The following BICC1 variants were observed in gnomAD, a reference collection of about 807,000 sequenced individuals.
BICC1 encodes protein bicaudal C homolog 1.
BICC1 carries 43 observed loss-of-function variants against 111.0 expected under a neutral mutation model. The ratio of observed to expected loss-of-function variants is 0.39; its 90% confidence interval spans 0.30 to 0.50. The LOEUF (loss-of-function observed/expected upper bound fraction) is 0.50, where lower values mean the gene tolerates loss of function less well. BICC1 is among the 20% of genes least tolerant of loss of function. The probability of loss-of-function intolerance (pLI) is 0.88; values close to 1 mark genes in which losing one functional copy is unlikely to be tolerated. For missense variants in BICC1, 1,091 were observed against 1,203.2 expected (o/e 0.91, Z 1.38); for synonymous variants, 467 against 434.4 (o/e 1.07, Z -0.93).
At chr10:58,671,444 A>G (rs1839181921) in intron 2 of BICC1, among the ~76,000 whole-genome samples, 1 of 152,102 alleles carries the variant, frequency 6.6e-6, no homozygotes, top group South Asian at 2.1e-4. Context: ...GGAGGGAGAC[A>G]CAAAAGACAT....
At chr10:58,788,098 A>T (rs1212316215) in intron 5 of BICC1, among the ~76,000 whole-genome samples, 1 of 152,180 alleles carries the variant, frequency 6.6e-6, no homozygotes, top group Non-Finnish European at 1.5e-5. Context: ...AGAGGGCAGG[A>T]TGATCTCCTG....
rs1843352982 is a variant in BICC1, at chr10:58,796,363, G to A, written c.1203G>A (p.Glu401=). The A allele has an allele frequency of 6.2e-7, 1 of 1,613,750 alleles. No homozygotes were observed. The highest frequency in any genetic ancestry group is 8.5e-7 in the Non-Finnish European group (1 of 1,179,866). The change falls in exon 10 of 21, where the codon GAG becomes GAA. Residue 401 remains glutamate, a synonymous_variant. Transcript: ENST00000373886. ...PSKSVIVKSV[E]RNALNMYEAR... ...AGTCTGTGATTGTGAAAAGTGTTGA[G>A]CGAAATGCCTTAAATATGTATGAAG...
At chr10:58,550,638 A>T (rs1017898554) in intron 1 of BICC1, among the ~76,000 whole-genome samples, 1 of 151,716 alleles carries the variant, frequency 6.6e-6, no homozygotes, top group Non-Finnish European at 1.5e-5. Context: ...GGTTCATTTA[A>T]TTTTTTTCTT....
At chr10:58,592,870 C>G (rs1250693495) in intron 1 of BICC1, among the ~76,000 whole-genome samples, 1 of 125,590 alleles carries the variant, frequency 8.0e-6, no homozygotes, top group African/African-American at 3.1e-5. Flanking sequence ...AGCAAGACTC[C>G]GTCTCAAAAA....
intron 1 of BICC1, among the ~76,000 whole-genome samples, chr10:58,600,502 A>G (rs1660348915): frequency 2.0e-5 from 3 of 152,196 alleles, no homozygotes; most frequent in Non-Finnish European, 4.4e-5. Context: ...TTGTACATTC[A>G]TTTTGACTTT....
intron 2 of BICC1, among the ~76,000 whole-genome samples, chr10:58,697,929 AC>A (rs1290177889): frequency 1.7e-5 from 2 of 116,576 alleles, no homozygotes; most frequent in Non-Finnish European, 3.6e-5. Context: ...CCCACCTCCC[AC>A]CCCCATGACA....
intron 1 of BICC1, among the ~76,000 whole-genome samples, chr10:58,531,650 CTACAAGAAAACATA>C (rs1248683089): frequency 1.2e-4 from 18 of 151,676 alleles, no homozygotes; most frequent in African/African-American, 4.3e-4. Context: ...AATTAGTGCA[CTACAAGAAAACATA>C]TACAATGAAA....
At chr10:58,808,592 A>G (rs1216800589) in intron 17 of BICC1, among the ~76,000 whole-genome samples, 1 of 152,168 alleles carries the variant, frequency 6.6e-6, no homozygotes, top group African/African-American at 2.4e-5. Context: ...CCAGATGTAT[A>G]GCTTTGGTGA....
At chr10:58,540,689 A>G (rs1842943007) in intron 1 of BICC1, among the ~76,000 whole-genome samples, 1 of 152,076 alleles carries the variant, frequency 6.6e-6, no homozygotes, top group Non-Finnish European at 1.5e-5. Context: ...TTAAATAAGA[A>G]TTAACACCAG....
chr10:58,616,733 T>C (rs556234096), intron 1 of BICC1, among the ~76,000 whole-genome samples: 14 of 152,244 alleles, frequency 9.2e-5, no homozygotes, highest in Admixed American at 2.0e-4. Flanking sequence ...CACTTTGTGG[T>C]GGACTTGGCC....
At chr10:58,590,153 A>G (rs958680911) in intron 1 of BICC1, among the ~76,000 whole-genome samples, 9 of 152,188 alleles carry the variant, frequency 5.9e-5, no homozygotes, top group African/African-American at 2.2e-4. Flanking sequence ...CTTGATTTTA[A>G]TGGACTTAGG....
chr10:58,781,713 A>G (rs1246052857), intron 3 of BICC1, among the ~76,000 whole-genome samples: 4 of 152,200 alleles, frequency 2.6e-5, no homozygotes, highest in Admixed American at 2.0e-4. Context: ...TTGGTATTAC[A>G]CAGACATGTT....
chr10:58,531,509 A>C (rs539318434), intron 1 of BICC1, among the ~76,000 whole-genome samples: 7 of 151,982 alleles, frequency 4.6e-5, no homozygotes, highest in Admixed American at 1.3e-4. Context: ...CAAAAATTAC[A>C]ACAAAATATA....
chr10:58,587,512 T>C (rs1385987324), intron 1 of BICC1, among the ~76,000 whole-genome samples: 1 of 152,216 alleles, frequency 6.6e-6, no homozygotes, highest in Non-Finnish European at 1.5e-5. Context: ...CAAAATTGAT[T>C]TAACAATCTA....
At chr10:58,606,486 G>A (rs372826226) in intron 1 of BICC1, among the ~76,000 whole-genome samples, 7 of 151,970 alleles carry the variant, frequency 4.6e-5, no homozygotes, top group East Asian at 1.9e-4. Context: ...TGGGTGCAGC[G>A]CACCAGCATG....
chr10:58,666,976 A>G (rs939850507), intron 2 of BICC1, among the ~76,000 whole-genome samples: 58 of 152,120 alleles, frequency 3.8e-4, no homozygotes, highest in African/African-American at 1.4e-3. Context: ...TTTGATAAAT[A>G]TATTAGACAT....
At chr10:58,699,206 A>G (rs1349853511) in intron 2 of BICC1, among the ~76,000 whole-genome samples, 1 of 152,230 alleles carries the variant, frequency 6.6e-6, no homozygotes, top group African/African-American at 2.4e-5. Flanking sequence ...TAGTTTTAGA[A>G]TTAAGGATTG....
In BICC1 at chr10:58,524,247, T is replaced by A. The variant is rs1249405294; in HGVS notation, c.190+10914T>A. Among the ~76,000 whole-genome samples the A allele has an allele frequency of 2.0e-5, 3 of 152,112 alleles. No homozygotes were observed. In the South Asian group the frequency reaches 6.2e-4, roughly 32 times the overall value. On this transcript the variant is annotated intron_variant, in intron 1 of 20. Transcript: ENST00000373886. The stretch of plus-strand genomic sequence containing the variant: ...AAAAAAGCCCGCATTGCCAAGTCAA[T>A]CCTAAGCCAAAAGAACAAAGCTGGA...
chr10:58,729,599 T>C (rs531420668), intron 3 of BICC1, among the ~76,000 whole-genome samples: 1 of 152,326 alleles, frequency 6.6e-6, no homozygotes, highest in East Asian at 1.9e-4. Context: ...AGAGGTTTAA[T>C]TGGCTCATGA....
Sources: gnomAD v4.1 joint callset for allele counts (sites outside exome capture counted in the v4.1 genomes callset) on GRCh38, gnomAD v4.1.1 for gene constraint, MANE v1.5 for transcripts, NCBI Gene and HGNC (gene_info 2026-07-23, HGNC 2026-07-21) for gene names.